CD38: variants seen among roughly 807,000 people sequenced by gnomAD.
CD38 encodes the protein CD38 molecule.
CD38 carries 31 observed loss-of-function variants against 36.3 expected under a neutral mutation model. The observed-to-expected ratio is 0.85, with a 90% CI of 0.64 to 1.15. The LOEUF is 1.15. Ranked by LOEUF, CD38 falls within the 50% of genes most tolerant of loss-of-function variation. The probability of loss-of-function intolerance (pLI) is 0.00; values close to 1 mark genes in which losing one functional copy is unlikely to be tolerated. For synonymous variants in CD38, 131 were observed against 135.2 expected (o/e 0.97, Z 0.22); for missense variants, 380 against 371.9 (o/e 1.02, Z -0.18).
chr4:15,845,995 C>T (rs1577663731), intron 7 of CD38, among the ~76,000 whole-genome samples: 1 of 85,574 alleles, frequency 1.2e-5, no homozygotes, highest in Non-Finnish European at 2.1e-5. Flanking sequence ...AGGTAATTTA[C>T]AGATTCAATG....
chr4:15,788,871 T>C (rs1722896062), intron 1 of CD38, among the ~76,000 whole-genome samples: 1 of 152,218 alleles, frequency 6.6e-6, no homozygotes, highest in Admixed American at 6.5e-5. Context: ...ATAAAACTGG[T>C]TAATGTTTCT....
chr4:15,802,702 A>T (rs1399796078), intron 1 of CD38, among the ~76,000 whole-genome samples: 5 of 151,880 alleles, frequency 3.3e-5, no homozygotes, highest in African/African-American at 9.7e-5. Flanking sequence ...AATTACAGAC[A>T]TGCACTACCA....
At chr4:15,833,236 G>A (rs1723993449) in intron 3 of CD38, among the ~76,000 whole-genome samples, 1 of 152,196 alleles carries the variant, frequency 6.6e-6, no homozygotes, top group Non-Finnish European at 1.5e-5. Context: ...TGTACCTGAA[G>A]CCAGCAAGTC....
At chr4:15,790,739 C>T (rs1282520226) in intron 1 of CD38, among the ~76,000 whole-genome samples, 1 of 151,300 alleles carries the variant, frequency 6.6e-6, no homozygotes, top group Non-Finnish European at 1.5e-5. Flanking sequence ...AGGAGCGCCT[C>T]TTCCCCGCCG....
At chr4:15,840,678 G>T in intron 7 of CD38, 140 bp downstream of exon 7, 2 of 598,874 alleles carry the variant, frequency 3.3e-6, no homozygotes. Context: ...GCAACCTCTG[G>T]TGATCTCTGT....
chr4:15,789,103 A>T (rs1722900136), intron 1 of CD38, among the ~76,000 whole-genome samples: 1 of 152,204 alleles, frequency 6.6e-6, no homozygotes, highest in South Asian at 2.1e-4. Context: ...CCCCAGTGTG[A>T]CTCTGAAAAG....
At chr4:15,787,667 T>C (rs561440665) in intron 1 of CD38, among the ~76,000 whole-genome samples, 1 of 152,312 alleles carries the variant, frequency 6.6e-6, no homozygotes, top group Non-Finnish European at 1.5e-5. Flanking sequence ...CCAGGACGTG[T>C]TCCTTGTGGT....
rs201888432 is a variant in CD38, at chr4:15,778,460, T to C, written c.46T>C (p.Cys16Arg). The C allele has an allele frequency of 8.8e-5, 142 of 1,613,930 alleles. No individual in the cohort carries two copies. Among genetic ancestry groups the C allele is most frequent in the East Asian group, 7.6e-4 (34 of 44,824 alleles). The change falls in exon 1 of 8, where the codon TGC (cysteine) becomes CGC (arginine). Residue 16 changes from cysteine to arginine, a missense_variant. Physicochemically the swap from Cys to Arg is radical, Grantham distance 180. Transcript: ENST00000226279. This position sits in a 1 kb window ranked among gnomAD's most constrained non-coding sequence, Gnocchi z 4.9. ...CCCGGTGTCCGGGGACAAACCCTGCTGCCGGCTCTCTAGGAGAGCCCAACT... is the reference window on the plus strand; with the variant it reads ...CCCGGTGTCCGGGGACAAACCCTGCCGCCGGCTCTCTAGGAGAGCCCAACT... ...FSPVSGDKPC[C>R]RLSRRAQLCL... is the part of the protein sequence containing the mutation.
chr4:15,786,882 G>A (rs998880148), intron 1 of CD38, among the ~76,000 whole-genome samples: 9 of 152,234 alleles, frequency 5.9e-5, no homozygotes, highest in Admixed American at 1.3e-4. Context: ...CCTGCCCCGC[G>A]GGGAGGCAGC....
At chr4:15,785,651 G>GA (rs1247179321) in intron 1 of CD38, among the ~76,000 whole-genome samples, 1 of 151,988 alleles carries the variant, frequency 6.6e-6, no homozygotes, top group African/African-American at 2.4e-5. Context: ...ATTTTGGAGG[G>GA]AAAAAAGTTG....
chr4:15,830,791 G>C (rs1723944257), intron 3 of CD38, among the ~76,000 whole-genome samples: 1 of 152,056 alleles, frequency 6.6e-6, no homozygotes, highest in Non-Finnish European at 1.5e-5. Flanking sequence ...TGTGATTTGA[G>C]ATAGGGGTCT....
chr4:15,818,787 C>T (rs751499588), intron 2 of CD38, among the ~76,000 whole-genome samples: 13 of 152,270 alleles, frequency 8.5e-5, no homozygotes, highest in Non-Finnish European at 1.5e-4. Flanking sequence ...AAGGGCCTGA[C>T]TGCTAAAAGA....
At chr4:15,804,130 C>CT (rs914339299) in intron 1 of CD38, among the ~76,000 whole-genome samples, 2 of 151,804 alleles carry the variant, frequency 1.3e-5, no homozygotes, top group African/African-American at 4.8e-5. Flanking sequence ...AAGTGCATGT[C>CT]TTTTTTTTGG....
chr4:15,804,281 A>G (rs1723293699), intron 1 of CD38, among the ~76,000 whole-genome samples: 1 of 152,222 alleles, frequency 6.6e-6, no homozygotes, highest in South Asian at 2.1e-4. Context: ...CATTCCCACC[A>G]ACAGTGTATA....
intron 1 of CD38, among the ~76,000 whole-genome samples, chr4:15,793,068 A>G (rs1723038636): frequency 1.3e-5 from 2 of 151,986 alleles, no homozygotes; most frequent in African/African-American, 4.8e-5. Flanking sequence ...ATCCTCCTCT[A>G]TTCCCTTTAT....
chr4:15,804,328 A>T (rs1723295119), intron 1 of CD38, among the ~76,000 whole-genome samples: 1 of 152,202 alleles, frequency 6.6e-6, no homozygotes, highest in Non-Finnish European at 1.5e-5. Flanking sequence ...GTTGGTAGGA[A>T]TGTAAATTAG....
intron 3 of CD38, among the ~76,000 whole-genome samples, chr4:15,833,498 C>T (rs1723998719): frequency 6.6e-6 from 1 of 152,204 alleles, no homozygotes; most frequent in South Asian, 2.1e-4. Flanking sequence ...TTTATATCTA[C>T]ACATGGGAAT....
intron 1 of CD38, among the ~76,000 whole-genome samples, chr4:15,791,587 GC>G (rs1162620642): frequency 7.4e-4 from 48 of 65,152 alleles, no homozygotes; most frequent in Non-Finnish European, 1.0e-3. Context: ...GGGGGGGTCA[GC>G]CCCCCGCCCG....
intron 1 of CD38, among the ~76,000 whole-genome samples, chr4:15,806,126 G>T (rs1723335151): frequency 6.6e-6 from 1 of 152,174 alleles, no homozygotes; most frequent in South Asian, 2.1e-4. Context: ...ACCTGAAGTA[G>T]GCTGACCGCA....
Sources: allele counts gnomAD v4.1 joint callset (sites outside exome capture counted in the v4.1 genomes callset), GRCh38; gene constraint gnomAD v4.1.1; non-coding constraint Gnocchi (gnomAD v3.1); transcripts MANE v1.5; gene names NCBI Gene and HGNC (gene_info 2026-07-23, HGNC 2026-07-21).